CDK5RAP2: variants seen among roughly 807,000 people sequenced by gnomAD.
The protein encoded by CDK5RAP2 is CDK5 regulatory subunit-associated protein 2.
A neutral mutation model predicts 232.9 loss-of-function variants in CDK5RAP2; 147 were observed. That is an observed-to-expected ratio of 0.63 (90% CI 0.55 to 0.72). The LOEUF is 0.72. Ranked by LOEUF, CDK5RAP2 falls within the 30% of genes least tolerant of loss-of-function variation. CDK5RAP2 has a pLI of 0.00. For missense variants in CDK5RAP2, 2,195 were observed against 2,231.5 expected, an observed-to-expected ratio of 0.98 and a Z score of 0.33; for synonymous variants, 833 against 833.7, an observed-to-expected ratio of 1.00 and a Z score of 0.01.
At chr9:120,483,585 T>C (rs978235796) in intron 14 of CDK5RAP2, among the ~76,000 whole-genome samples, 1 of 152,254 alleles carries the variant, frequency 6.6e-6, no homozygotes, top group African/African-American at 2.4e-5. Context: ...TGGGGTTCTA[T>C]GGCTTGCAAC....
At chr9:120,470,059 A>G (rs2131520085) in intron 17 of CDK5RAP2, 52 bp downstream of exon 17, 1 of 935,528 alleles carries the variant, frequency 1.1e-6, no homozygotes, top group Middle Eastern at 3.1e-4. Context: ...AAGATACAAC[A>G]AACAATCTAA....
At chr9:120,488,300 C>T in intron 13 of CDK5RAP2, among the ~76,000 whole-genome samples, 1 of 152,142 alleles carries the variant, frequency 6.6e-6, no homozygotes, top group Non-Finnish European at 1.5e-5. Flanking sequence ...ACCCATTGAA[C>T]TGTAATAGAA....
intron 12 of CDK5RAP2, among the ~76,000 whole-genome samples, chr9:120,508,401 C>T (rs1486363607): frequency 1.9e-4 from 29 of 152,148 alleles, no homozygotes; most frequent in Admixed American, 1.9e-3. Context: ...CTCTCCATAA[C>T]AGTTCATTCA....
chr9:120,493,428 C>A (rs1293416000), intron 12 of CDK5RAP2, among the ~76,000 whole-genome samples: 2 of 152,124 alleles, frequency 1.3e-5, no homozygotes, highest in Non-Finnish European at 2.9e-5. Context: ...TGATGAAAAA[C>A]CAAGTTTCTC....
intron 11 of CDK5RAP2, among the ~76,000 whole-genome samples, chr9:120,520,516 G>A (rs1244167282): frequency 2.0e-5 from 3 of 152,116 alleles, no homozygotes; most frequent in Non-Finnish European, 4.4e-5. Context: ...GGTGGCATGT[G>A]CCTGTAGTCC....
intron 12 of CDK5RAP2, among the ~76,000 whole-genome samples, chr9:120,503,251 T>A (rs1451935388): frequency 6.6e-6 from 1 of 152,214 alleles, no homozygotes; most frequent in Non-Finnish European, 1.5e-5. Flanking sequence ...AGCCTGAGAC[T>A]GAGGCCCTCC....
In CDK5RAP2 at chr9:120,530,077, C is replaced by T. The variant is rs1355947991; in HGVS notation, c.726G>A (p.Glu242=). The part of the protein sequence containing the change: ...SKEALIQCLK[E]EKSQMACPDE... ...CAGGACATGCCATCTGAGATTTCTC[C>T]TCTTTAAGGCACTGAATTAAAGCTT... Residue 242 remains glutamate (E), a synonymous_variant, in exon 8 of 38, where the codon GAG becomes GAA. Coordinates refer to ENST00000349780, the MANE Select transcript of CDK5RAP2 (RefSeq NM_018249.6). The T allele has an allele frequency of 6.2e-7, 1 of 1,613,986 alleles. No homozygotes were observed. Among genetic ancestry groups the T allele is most frequent in the Non-Finnish European group, 8.5e-7 (1 of 1,179,896 alleles).
In CDK5RAP2 at chr9:120,404,052, T is replaced by C; in HGVS notation, c.5025A>G (p.Ala1675=). ...NSFDLFDSSQ[A]VTPKSVSETP... is the part of the protein sequence containing the mutation. The stretch of plus-strand genomic sequence containing the variant: ...GCTTTGTACCTGATTTTGGTGTCAC[T>C]GCCTGGGAGGAATCAAACAGATCAA... The change falls in exon 33 of 38, where the codon GCA becomes GCG. Residue 1675 remains alanine (A), a synonymous_variant. Coordinates refer to ENST00000349780, the MANE Select transcript of CDK5RAP2 (RefSeq NM_018249.6). 6.2e-7 allele frequency: 1 copy of C among 1,612,824 alleles called. No homozygotes were observed. Among genetic ancestry groups the C allele is most frequent in the Non-Finnish European group, 8.5e-7 (1 of 1,178,708 alleles).
chr9:120,524,019 A>C (rs2040788556), intron 11 of CDK5RAP2, among the ~76,000 whole-genome samples: 1 of 152,118 alleles, frequency 6.6e-6, no homozygotes, highest in African/African-American at 2.4e-5. Context: ...ATGACAGTAA[A>C]AGCACAGTCT....
At chr9:120,526,851 C>T (rs962674629) in intron 10 of CDK5RAP2, among the ~76,000 whole-genome samples, 1 of 152,172 alleles carries the variant, frequency 6.6e-6, no homozygotes, top group Non-Finnish European at 1.5e-5. Context: ...AACTAAACAC[C>T]TTGACCAATG....
At chr9:120,493,814 ATAAGTT>A (rs1485059502) in intron 12 of CDK5RAP2, among the ~76,000 whole-genome samples, 1 of 152,234 alleles carries the variant, frequency 6.6e-6, no homozygotes, top group African/African-American at 2.4e-5. Context: ...TTATTAAACA[ATAAGTT>A]TAAAAGTTAG....
chr9:120,558,830 A>C (rs2042346474), intron 3 of CDK5RAP2, among the ~76,000 whole-genome samples: 1 of 152,138 alleles, frequency 6.6e-6, no homozygotes, highest in Non-Finnish European at 1.5e-5. Context: ...CATAGCTCTT[A>C]CTTTCTTGCT....
At chr9:120,510,539 A>G (rs1357836665) in intron 12 of CDK5RAP2, among the ~76,000 whole-genome samples, 1 of 152,012 alleles carries the variant, frequency 6.6e-6, no homozygotes, top group South Asian at 2.1e-4. Context: ...GATTTCCCTC[A>G]CCCTTCACCA....
intron 8 of CDK5RAP2, 71 bp downstream of exon 8, chr9:120,529,907 G>T: frequency 7.0e-7 from 1 of 1,422,650 alleles, no homozygotes; most frequent in Non-Finnish European, 9.9e-7. Flanking sequence ...AGGACCGAAT[G>T]CGCATTCCAT....
In CDK5RAP2 at chr9:120,562,994, T is replaced by G. The variant is rs562368899; in HGVS notation, c.195+5327A>C. ...TCAGCGTTGAGTACCAGACATTGAA[T>G]AGAGACACATGTTAAGCAAGTACAC... On this transcript the variant is annotated intron_variant, in intron 3 of 37. Coordinates refer to ENST00000349780, the MANE Select transcript of CDK5RAP2 (RefSeq NM_018249.6). Among the ~76,000 whole-genome samples, 62 of 152,268 alleles carry G rather than the reference T, an allele frequency of 4.1e-4. No homozygotes were observed. In the South Asian group the frequency reaches 0.013, roughly 32 times the overall value.
At chr9:120,515,375 T>G (rs1342128525) in intron 12 of CDK5RAP2, among the ~76,000 whole-genome samples, 1 of 152,218 alleles carries the variant, frequency 6.6e-6, no homozygotes, top group Non-Finnish European at 1.5e-5. Flanking sequence ...CACAGGATCT[T>G]TTGCATTGAG....
chr9:120,469,184 C>A (rs2037550130), intron 17 of CDK5RAP2, among the ~76,000 whole-genome samples: 1 of 152,162 alleles, frequency 6.6e-6, no homozygotes, highest in South Asian at 2.1e-4. Flanking sequence ...AGTTCTGTGC[C>A]TTAAACAGGC....
At chr9:120,556,031 T>C (rs925294577) in intron 3 of CDK5RAP2, among the ~76,000 whole-genome samples, 1 of 151,820 alleles carries the variant, frequency 6.6e-6, no homozygotes, top group Non-Finnish European at 1.5e-5. Context: ...AGGCTTGGGG[T>C]GAAGAGAGGA....
intron 31 of CDK5RAP2, chr9:120,407,887 G>C (rs1320884692): frequency 7.5e-6 from 2 of 265,248 alleles, no homozygotes; most frequent in East Asian, 9.3e-5. Flanking sequence ...TTTGCTGAAT[G>C]AGTGGGCAAA....
Sources: gnomAD v4.1 joint callset for allele counts (sites outside exome capture counted in the v4.1 genomes callset) on GRCh38, gnomAD v4.1.1 for gene constraint, MANE v1.5 for transcripts, NCBI Gene and HGNC (gene_info 2026-07-23, HGNC 2026-07-21) for gene names.